LYPD6: variants seen among roughly 807,000 people sequenced by gnomAD.
LYPD6 encodes the protein ly6/PLAUR domain-containing protein 6.
Under a neutral mutation model 22.7 loss-of-function variants are expected in LYPD6, and 15 were observed. The observed-to-expected ratio is 0.66, with a 90% CI of 0.44 to 1.02. The LOEUF is 1.02. Among genes scored for constraint, LYPD6 ranks in the 50% least tolerant of loss-of-function variants. The pLI is 0.00. For missense variants in LYPD6, 189 were observed against 208.4 expected, an observed-to-expected ratio of 0.91 and a Z score of 0.57; for synonymous variants, 72 against 77.5, an observed-to-expected ratio of 0.93 and a Z score of 0.37.
chr2:149,468,339 A>C (rs912497225), intron 3 of LYPD6, among the ~76,000 whole-genome samples: 1 of 152,092 alleles, frequency 6.6e-6, no homozygotes, highest in African/African-American at 2.4e-5. Context: ...AAAACCACTC[A>C]TCCCCTAAAA....
At chr2:149,480,744 A>G in the LYPD6 span, among the ~76,000 whole-genome samples, 12 of 152,126 alleles carry the variant, frequency 7.9e-5, no homozygotes, top group Non-Finnish European at 1.8e-4. Flanking sequence ...GCGTTGCCCC[A>G]GCAGCCCTCT....
intron 1 of LYPD6, among the ~76,000 whole-genome samples, chr2:149,410,264 A>G (rs183065777): frequency 6.6e-6 from 1 of 152,300 alleles, no homozygotes; most frequent in African/African-American, 2.4e-5. Flanking sequence ...TTGTAAGTGC[A>G]TCTGTTGGAT....
intron 1 of LYPD6, among the ~76,000 whole-genome samples, chr2:149,330,967 T>G (rs1207807480): frequency 1.3e-5 from 2 of 152,138 alleles, no homozygotes; most frequent in Non-Finnish European, 2.9e-5. Context: ...TCGTGTGTGT[T>G]GGGCTGGCGC....
chr2:149,330,357 G>A (rs1231717028), upstream of LYPD6: 2 of 151,376 alleles, frequency 1.3e-5, no homozygotes, highest in South Asian at 2.1e-4. Context: ...GGCTCCCGCT[G>A]GCCGGAGTTT....
At chr2:149,332,324 C>T (rs965734874) in intron 1 of LYPD6, among the ~76,000 whole-genome samples, 2 of 152,176 alleles carry the variant, frequency 1.3e-5, no homozygotes, top group Non-Finnish European at 2.9e-5. Flanking sequence ...AATGGAAATG[C>T]TTCCAGACCA....
intron 1 of LYPD6, among the ~76,000 whole-genome samples, chr2:149,373,707 A>T (rs1229756679): frequency 6.6e-6 from 1 of 152,132 alleles, no homozygotes; most frequent in East Asian, 1.9e-4. Flanking sequence ...GCTTATTTGG[A>T]GGTGTGCTGG....
chr2:149,358,712 A>G (rs1054866610), intron 1 of LYPD6, among the ~76,000 whole-genome samples: 20 of 152,238 alleles, frequency 1.3e-4, no homozygotes, highest in East Asian at 3.9e-4. Flanking sequence ...ATTTTATTCT[A>G]GATATTAGTA....
chr2:149,464,396 G>C (rs1307001878), intron 3 of LYPD6: 7 of 237,710 alleles, frequency 2.9e-5, no homozygotes, highest in Non-Finnish European at 4.4e-5. Context: ...CATCGTGCAT[G>C]GTCAAAAGTT....
chr2:149,398,822 G>T (rs1391003530), intron 1 of LYPD6, among the ~76,000 whole-genome samples: 3 of 152,054 alleles, frequency 2.0e-5, no homozygotes, highest in Non-Finnish European at 4.4e-5. Flanking sequence ...AGAGGAGAAG[G>T]TTTAATCCTA....
chr2:149,486,055 A>C, the LYPD6 span, among the ~76,000 whole-genome samples: 2 of 152,334 alleles, frequency 1.3e-5, no homozygotes, highest in East Asian at 1.9e-4. Context: ...TACATTTCAC[A>C]AAAAGATATA....
intron 1 of LYPD6, among the ~76,000 whole-genome samples, chr2:149,393,372 A>G (rs1052959372): frequency 6.6e-6 from 1 of 152,168 alleles, no homozygotes; most frequent in African/African-American, 2.4e-5. Flanking sequence ...GTGCTCATAA[A>G]TGGCTTCGGG....
intron 3 of LYPD6, among the ~76,000 whole-genome samples, chr2:149,449,529 C>T (rs904414769): frequency 4.6e-5 from 7 of 152,184 alleles, no homozygotes; most frequent in African/African-American, 7.2e-5. Flanking sequence ...CCATTGATTA[C>T]ATATCTTGCC....
chr2:149,346,946 G>A (rs978728683), intron 1 of LYPD6, among the ~76,000 whole-genome samples: 2 of 152,142 alleles, frequency 1.3e-5, no homozygotes, highest in Admixed American at 6.5e-5. Flanking sequence ...TGATCCGCCC[G>A]CCTTGGCCTC....
intron 1 of LYPD6, among the ~76,000 whole-genome samples, chr2:149,392,981 G>A (rs1379471595): frequency 6.6e-6 from 1 of 152,154 alleles, no homozygotes; most frequent in Non-Finnish European, 1.5e-5. Context: ...AGCCAAGATC[G>A]TGCCACTGTG....
At chr2:149,389,446 G>A (rs1238335625) in intron 1 of LYPD6, among the ~76,000 whole-genome samples, 1 of 152,118 alleles carries the variant, frequency 6.6e-6, no homozygotes, top group East Asian at 1.9e-4. Flanking sequence ...GAATGACCAA[G>A]TTAGGCATTT....
At chr2:149,455,415 C>T (rs1026895289) in intron 3 of LYPD6, among the ~76,000 whole-genome samples, 2 of 151,976 alleles carry the variant, frequency 1.3e-5, no homozygotes, top group African/African-American at 4.8e-5. Context: ...CCCACCACCA[C>T]ACCCAACTAA....
chr2:149,454,000 A>G (rs1485971489), intron 3 of LYPD6, among the ~76,000 whole-genome samples: 1 of 152,158 alleles, frequency 6.6e-6, no homozygotes, highest in Non-Finnish European at 1.5e-5. Context: ...GGCCCTTGAC[A>G]CTTTCCTTTC....
chr2:149,464,255 C>T, intron 3 of LYPD6: 1 of 310,288 alleles, frequency 3.2e-6, no homozygotes, highest in Middle Eastern at 4.2e-4. Context: ...TTAGCATTGA[C>T]CTGGTTGGGA....
At chr2:149,481,331 A>G in the LYPD6 span, among the ~76,000 whole-genome samples, 1 of 152,232 alleles carries the variant, frequency 6.6e-6, no homozygotes, top group Non-Finnish European at 1.5e-5. Context: ...AAAAATGTAT[A>G]ATGTCAAAGC....
Sources: allele counts gnomAD v4.1 joint callset (sites outside exome capture counted in the v4.1 genomes callset), GRCh38; gene constraint gnomAD v4.1.1; transcripts MANE v1.5; gene names NCBI Gene and HGNC (gene_info 2026-07-23, HGNC 2026-07-21).